The following B3GALT1 variants were observed in gnomAD, a reference collection of about 807,000 sequenced individuals.
The protein encoded by B3GALT1 is beta-1,3-galactosyltransferase 1.
In B3GALT1, 10 loss-of-function variants were observed where a neutral mutation model predicts 23.2. The observed-to-expected ratio is 0.43, with a 90% confidence interval of 0.27 to 0.73. The LOEUF (loss-of-function observed/expected upper bound fraction) is 0.73, where lower values mean the gene tolerates loss of function less well. B3GALT1 is among the 30% of genes least tolerant of loss of function. B3GALT1 has a pLI of 0.21. For synonymous variants in B3GALT1, 156 were observed against 141.5 expected (o/e 1.10, Z -0.73); for missense variants, 299 against 405.4 (o/e 0.74, Z 2.25).
chr2:167,853,989 A>G (rs778187121), intron 4 of B3GALT1, among the ~76,000 whole-genome samples: 1 of 152,188 alleles, frequency 6.6e-6, no homozygotes, highest in Non-Finnish European at 1.5e-5. Flanking sequence ...GGGTTTTCAG[A>G]TATCATCTTC....
intron 1 of B3GALT1, among the ~76,000 whole-genome samples, chr2:167,440,041 A>C (rs541570274): frequency 2.0e-5 from 3 of 151,986 alleles, no homozygotes; most frequent in African/African-American, 4.8e-5. Flanking sequence ...ATTTTGAAAA[A>C]ATCGGTAAGA....
chr2:167,326,315 C>T (rs1252640876), intron 1 of B3GALT1, among the ~76,000 whole-genome samples: 2 of 151,116 alleles, frequency 1.3e-5, no homozygotes, highest in Non-Finnish European at 2.9e-5. Flanking sequence ...TGTTTGAGGT[C>T]CCTGTATATT....
rs1303649246 is a variant in B3GALT1, at chr2:167,429,225, G to T, written c.-510-60952G>T. Among the ~76,000 whole-genome samples, 3 of 149,176 alleles carry T rather than the reference G, an allele frequency of 2.0e-5. No homozygotes were observed. In the Admixed American group the frequency reaches 2.0e-4, roughly 10 times the overall value. ...GAACCCAGGAGGCAGAGCTTGCAGT[G>T]AGCCGAGATCGCGCCGCTGCACTCC... On this transcript the variant is annotated intron_variant, in intron 1 of 4. Coordinates refer to ENST00000392690, the MANE Select transcript of B3GALT1 (RefSeq NM_020981.4).
At chr2:167,453,127 G>A (rs1396601019) in intron 1 of B3GALT1, among the ~76,000 whole-genome samples, 1 of 152,124 alleles carries the variant, frequency 6.6e-6, no homozygotes, top group Non-Finnish European at 1.5e-5. Context: ...TGGCTTGCCC[G>A]AGAAACACAG....
At chr2:167,414,108 G>A (rs1698431916) in intron 1 of B3GALT1, among the ~76,000 whole-genome samples, 1 of 151,924 alleles carries the variant, frequency 6.6e-6, no homozygotes, top group Non-Finnish European at 1.5e-5. Context: ...TACATGACAT[G>A]GGGGGCCTTA....
At chr2:167,776,039 T>TGC (rs974252154) in intron 3 of B3GALT1, among the ~76,000 whole-genome samples, 8 of 75,264 alleles carry the variant, frequency 1.1e-4, no homozygotes, top group South Asian at 9.3e-4. Context: ...TATGCAACTG[T>TGC]GCACACACAC....
chr2:167,484,038 A>G (rs1699592324), intron 1 of B3GALT1, among the ~76,000 whole-genome samples: 1 of 152,232 alleles, frequency 6.6e-6, no homozygotes, highest in Admixed American at 6.5e-5. Context: ...ATTGTCTTTA[A>G]GGAATATATG....
At chr2:167,434,449 G>A (rs1574076822) in intron 1 of B3GALT1, among the ~76,000 whole-genome samples, 2 of 142,390 alleles carry the variant, frequency 1.4e-5, no homozygotes, top group African/African-American at 2.6e-5. Context: ...CCCCAATCTT[G>A]TAAGCAATTC....
chr2:167,464,419 G>C (rs1407370633), intron 1 of B3GALT1, among the ~76,000 whole-genome samples: 1 of 152,108 alleles, frequency 6.6e-6, no homozygotes. Context: ...TGCTACAGAA[G>C]ATTTTATTTG....
intron 3 of B3GALT1, among the ~76,000 whole-genome samples, chr2:167,736,832 G>A (rs1687499865): frequency 6.6e-6 from 1 of 152,166 alleles, no homozygotes; most frequent in South Asian, 2.1e-4. Flanking sequence ...TACTCGGGAG[G>A]CTGAGGCATG....
At chr2:167,449,846 A>T (rs886593102) in intron 1 of B3GALT1, among the ~76,000 whole-genome samples, 1 of 152,140 alleles carries the variant, frequency 6.6e-6, no homozygotes, top group Non-Finnish European at 1.5e-5. Context: ...GTCTATTGAG[A>T]TAATCATGTG....
intron 4 of B3GALT1, among the ~76,000 whole-genome samples, chr2:167,857,255 A>T (rs937173378): frequency 6.6e-6 from 1 of 151,846 alleles, no homozygotes; most frequent in African/African-American, 2.4e-5. Context: ...GAGCATAGAG[A>T]AGTGATAAAG....
intron 1 of B3GALT1, among the ~76,000 whole-genome samples, chr2:167,458,800 T>G (rs559394608): frequency 6.7e-4 from 102 of 151,298 alleles, no homozygotes; most frequent in African/African-American, 2.4e-3. Context: ...TTAAACCAGA[T>G]TTTTTTGTTG....
chr2:167,491,224 C>T (rs1156944454), intron 2 of B3GALT1, among the ~76,000 whole-genome samples: 2 of 152,188 alleles, frequency 1.3e-5, no homozygotes, highest in Admixed American at 6.5e-5. Flanking sequence ...GCACCTGACT[C>T]AAAGCCAGAC....
At chr2:167,495,414 A>ACCT (rs1238789852) in intron 2 of B3GALT1, among the ~76,000 whole-genome samples, 1 of 147,542 alleles carries the variant, frequency 6.8e-6, no homozygotes, top group Admixed American at 6.9e-5. Context: ...GCTCACTGCA[A>ACCT]CCTCTGCCTC....
At chr2:167,811,963 G>T (rs998705392) in intron 3 of B3GALT1, among the ~76,000 whole-genome samples, 16 of 152,314 alleles carry the variant, frequency 1.1e-4, no homozygotes, top group African/African-American at 3.9e-4. Context: ...CTGTTTTTCA[G>T]TGGTGGTGCT....
chr2:167,661,409 A>T (rs1686058242), intron 3 of B3GALT1, among the ~76,000 whole-genome samples: 1 of 152,048 alleles, frequency 6.6e-6, no homozygotes, highest in Non-Finnish European at 1.5e-5. Flanking sequence ...TTAGAGGCTG[A>T]TTTCTTCAAA....
At chr2:167,455,788 G>C (rs1450752527) in intron 1 of B3GALT1, among the ~76,000 whole-genome samples, 3 of 152,136 alleles carry the variant, frequency 2.0e-5, no homozygotes, top group African/African-American at 2.4e-5. Flanking sequence ...GCTGGGATTA[G>C]AGACATGGGC....
chr2:167,547,439 G>A, intron 2 of B3GALT1, among the ~76,000 whole-genome samples: 1 of 152,166 alleles, frequency 6.6e-6, no homozygotes, highest in East Asian at 1.9e-4. Flanking sequence ...GCCCACGCCT[G>A]TAATTCCAGC....
Sources: gnomAD v4.1 joint callset for allele counts (sites outside exome capture counted in the v4.1 genomes callset) on GRCh38, gnomAD v4.1.1 for gene constraint, MANE v1.5 for transcripts, NCBI Gene and HGNC (gene_info 2026-07-23, HGNC 2026-07-21) for gene names.